SYT1: variants seen among roughly 807,000 people sequenced by gnomAD.
SYT1 encodes synaptotagmin 1, also known as synaptotagmin-1.
In SYT1, 8 loss-of-function variants were observed where a neutral mutation model predicts 44.8. The observed-to-expected ratio is 0.18, with a 90% CI of 0.10 to 0.32. SYT1 has a LOEUF of 0.32. Among genes scored for constraint, SYT1 ranks in the 10% least tolerant of loss-of-function variants. SYT1 has a pLI of 1.00. For synonymous variants in SYT1, 154 were observed against 188.8 expected, an observed-to-expected ratio of 0.82 and a Z score of 1.51; for missense variants, 286 against 509.3, an observed-to-expected ratio of 0.56 and a Z score of 4.22.
At chr12:79,191,826 T>C (rs1402768207) in intron 3 of SYT1, among the ~76,000 whole-genome samples, 2 of 152,026 alleles carry the variant, frequency 1.3e-5, no homozygotes, top group South Asian at 4.1e-4. Flanking sequence ...ATATGGGACA[T>C]ATACCTGAAT....
chr12:79,268,035 C>T (rs1415347748), intron 4 of SYT1, among the ~76,000 whole-genome samples: 1 of 152,154 alleles, frequency 6.6e-6, no homozygotes, highest in African/African-American at 2.4e-5. Context: ...CTAATCATTG[C>T]CTGCAGTGAG....
chr12:79,200,611 C>A (rs779156743), intron 3 of SYT1, among the ~76,000 whole-genome samples: 8 of 152,154 alleles, frequency 5.3e-5, no homozygotes, highest in Non-Finnish European at 1.0e-4. Flanking sequence ...GAACTCCTAG[C>A]TTATCTACTG....
chr12:79,267,609 T>A (rs1878202004), intron 4 of SYT1, among the ~76,000 whole-genome samples: 1 of 152,230 alleles, frequency 6.6e-6, no homozygotes, highest in African/African-American at 2.4e-5. Flanking sequence ...ATAGGATGAA[T>A]GGATTTCCCT....
At chr12:79,437,221 G>A (rs1593066637) in intron 9 of SYT1, among the ~76,000 whole-genome samples, 1 of 152,132 alleles carries the variant, frequency 6.6e-6, no homozygotes, top group Admixed American at 6.6e-5. Flanking sequence ...CCACTAAAGA[G>A]TTTTAATGAG....
At chr12:79,391,141 C>T (rs768517434) in intron 9 of SYT1, among the ~76,000 whole-genome samples, 19 of 152,254 alleles carry the variant, frequency 1.2e-4, no homozygotes, top group Non-Finnish European at 2.5e-4. Context: ...CCTCTTGACC[C>T]AGTGGTTAAA....
intron 3 of SYT1, among the ~76,000 whole-genome samples, chr12:79,056,978 G>A (rs73148248): frequency 0.11 from 17,062 of 151,894 alleles, 1,262 homozygotes; most frequent in Non-Finnish European, 0.17. Flanking sequence ...AGTCTGACAT[G>A]GGCTATCAAT....
intron 2 of SYT1, among the ~76,000 whole-genome samples, chr12:79,038,566 A>G (rs1361485981): frequency 6.6e-6 from 1 of 151,926 alleles, no homozygotes; most frequent in African/African-American, 2.4e-5. Context: ...AAAATCCCTT[A>G]GGATTAGTGA....
At chr12:79,335,087 C>T (rs111499769) in intron 8 of SYT1, among the ~76,000 whole-genome samples, 4,232 of 152,260 alleles carry the variant, frequency 0.028, 69 homozygotes, top group Middle Eastern at 0.051. Flanking sequence ...GTGTTGACCT[C>T]CCTCTTTACA....
intron 9 of SYT1, among the ~76,000 whole-genome samples, chr12:79,442,104 C>T (rs1044903525): frequency 2.0e-5 from 3 of 152,220 alleles, no homozygotes; most frequent in African/African-American, 4.8e-5. Flanking sequence ...GAGTGCTTCT[C>T]TTGAGAAAAC....
At chr12:79,422,707 G>A (rs905717768) in intron 9 of SYT1, among the ~76,000 whole-genome samples, 2 of 151,838 alleles carry the variant, frequency 1.3e-5, no homozygotes, top group Admixed American at 1.3e-4. Flanking sequence ...GGATTTGTTA[G>A]ATACTTTGAA....
intron 4 of SYT1, among the ~76,000 whole-genome samples, chr12:79,269,089 T>C (rs973124577): frequency 4.5e-5 from 6 of 134,108 alleles, no homozygotes; most frequent in African/African-American, 1.3e-4. Context: ...CTTGCCCTTC[T>C]CTTTTTTTTT....
rs566940978 is a variant in SYT1 at position 79,189,733 on chromosome 12, G to A, written c.-17-27770G>A. ...AGCCTGGCTAACATGACAAAACCTC[G>A]TCTCTACTAAAAATACAAAAATTAG... On this transcript the variant is annotated intron_variant, in intron 3 of 10. Transcript: ENST00000261205. Among the ~76,000 whole-genome samples, 96 of 152,034 alleles carry A rather than the reference G, an allele frequency of 6.3e-4. 1 individual carries two copies. The highest frequency in any genetic ancestry group is 3.1e-3 in the Admixed American group (48 of 15,250).
intron 3 of SYT1, among the ~76,000 whole-genome samples, chr12:79,055,337 CTG>C (rs945839148): frequency 6.6e-6 from 1 of 151,842 alleles, no homozygotes; most frequent in African/African-American, 2.4e-5. Flanking sequence ...TTTCATGACT[CTG>C]ATATGTAAGT....
chr12:79,256,925 A>T (rs1397698773), intron 4 of SYT1, among the ~76,000 whole-genome samples: 2 of 152,212 alleles, frequency 1.3e-5, no homozygotes, highest in Non-Finnish European at 2.9e-5. Flanking sequence ...GGAAATCTCA[A>T]ATCAAAGCTT....
intron 4 of SYT1, among the ~76,000 whole-genome samples, chr12:79,253,072 G>C (rs893259769): frequency 4.6e-5 from 7 of 151,984 alleles, no homozygotes; most frequent in African/African-American, 1.7e-4. Flanking sequence ...TCTCCTCCAG[G>C]TTTCCATTAT....
At chr12:79,249,438 G>C (rs1179382373) in intron 4 of SYT1, among the ~76,000 whole-genome samples, 2 of 152,170 alleles carry the variant, frequency 1.3e-5, no homozygotes, top group Non-Finnish European at 2.9e-5. Context: ...CATCTGAAGA[G>C]TTGGAAGTGT....
chr12:79,205,938 T>C (rs972515471), intron 3 of SYT1, among the ~76,000 whole-genome samples: 1 of 152,172 alleles, frequency 6.6e-6, no homozygotes, highest in Non-Finnish European at 1.5e-5. Flanking sequence ...TCATATTTTC[T>C]CCTCATTCTT....
At chr12:79,441,966 A>G (rs1387079413) in intron 9 of SYT1, among the ~76,000 whole-genome samples, 1 of 152,234 alleles carries the variant, frequency 6.6e-6, no homozygotes, top group Admixed American at 6.5e-5. Context: ...CAAGGCATTA[A>G]TAACATCATG....
chr12:78,876,784 A>ATG (rs1163252848), intron 1 of SYT1, among the ~76,000 whole-genome samples: 1 of 84,828 alleles, frequency 1.2e-5, no homozygotes, highest in South Asian at 2.8e-4. Context: ...TATATATTAT[A>ATG]TAATACATAT....
Sources: allele counts gnomAD v4.1 joint callset (sites outside exome capture counted in the v4.1 genomes callset), GRCh38; gene constraint gnomAD v4.1.1; transcripts MANE v1.5; gene names NCBI Gene and HGNC (gene_info 2026-07-23, HGNC 2026-07-21).